Variants in ZNF184 observed in about 807,000 individuals in gnomAD.
ZNF184 encodes zinc finger protein 184.
In ZNF184, 16 loss-of-function variants were observed where a neutral mutation model predicts 54.4. The observed-to-expected ratio is 0.29, with a 90% CI of 0.20 to 0.45. The LOEUF is 0.45. ZNF184 is among the 20% of genes least tolerant of loss of function. ZNF184 has a pLI of 1.00. For synonymous variants in ZNF184, 254 were observed against 295.3 expected, an observed-to-expected ratio of 0.86 and a Z score of 1.43; for missense variants, 681 against 888.2, an observed-to-expected ratio of 0.77 and a Z score of 2.97.
chr6:27,436,355 G>A, the ZNF184 span, among the ~76,000 whole-genome samples: 1 of 152,122 alleles, frequency 6.6e-6, no homozygotes, highest in Non-Finnish European at 1.5e-5. Context: ...GTAGAGAAGG[G>A]GTTTCATCAT....
the ZNF184 span, among the ~76,000 whole-genome samples, chr6:27,441,896 C>G: frequency 0.067 from 10,129 of 152,206 alleles, 567 homozygotes; most frequent in East Asian, 0.28. Flanking sequence ...ATTGCATTCT[C>G]TTTTCGTAGT....
Position 27,463,722 on chromosome 6 carries a change from T to C in ZNF184, c.75+4131A>G, listed in dbSNP as rs117606502. Among the ~76,000 whole-genome samples the C allele has an allele frequency of 4.6e-5, 7 of 151,888 alleles. No individual in the cohort carries two copies. The East Asian group carries it at 5.8e-4, about 13-fold the overall frequency. ...ACACACAAATATAAAAAAACAAAGA[T>C]AAAAACAACAGTAACTTTTTTGTTA... On this transcript the variant is annotated intron_variant, in intron 3 of 5. Coordinates refer to ENST00000683788, the MANE Select transcript of ZNF184 (RefSeq NM_001318891.2).
chr6:27,409,521 A>C, the ZNF184 span, among the ~76,000 whole-genome samples: 28 of 148,956 alleles, frequency 1.9e-4, no homozygotes, highest in East Asian at 4.9e-3. Context: ...AAAAAAAAAA[A>C]CACAAAACAA....
At chr6:27,465,963 T>A (rs147219896) in intron 3 of ZNF184, among the ~76,000 whole-genome samples, 1 of 152,312 alleles carries the variant, frequency 6.6e-6, no homozygotes, top group East Asian at 1.9e-4. Flanking sequence ...AACCTGTGAA[T>A]TTGTTACCTA....
At chr6:27,435,548 T>C in the ZNF184 span, among the ~76,000 whole-genome samples, 1 of 152,226 alleles carries the variant, frequency 6.6e-6, no homozygotes, top group Non-Finnish European at 1.5e-5. Context: ...GTGGAATCTT[T>C]AGAGTTTTCT....
At chr6:27,427,982 A>C in the ZNF184 span, among the ~76,000 whole-genome samples, 3 of 152,306 alleles carry the variant, frequency 2.0e-5, no homozygotes, top group East Asian at 5.8e-4. Context: ...TCTTACCCAC[A>C]TATTTAGTTG....
At chr6:27,416,035 C>T in the ZNF184 span, among the ~76,000 whole-genome samples, 8 of 152,140 alleles carry the variant, frequency 5.3e-5, no homozygotes, top group African/African-American at 1.7e-4. Context: ...GCATTCTCCC[C>T]GTATCTTCAC....
chr6:27,453,230 G>A lies in ZNF184; in HGVS notation c.329C>T (p.Ser110Leu), dbSNP rs1762779010. 6.2e-7 allele frequency: 1 copy of A among 1,605,594 alleles called. No homozygotes were observed. Among genetic ancestry groups the A allele is most frequent in the Non-Finnish European group, 8.5e-7 (1 of 1,177,152 alleles). Residue 110 changes from serine (S) to leucine (L), a missense_variant, in exon 6 of 6, where the codon TCA becomes TTA. Physicochemically the swap from Ser to Leu is moderately radical, Grantham distance 145. Coordinates refer to ENST00000683788, the MANE Select transcript of ZNF184 (RefSeq NM_001318891.2). This position sits in a 1 kb window ranked among gnomAD's most constrained non-coding sequence, Gnocchi z 4.7. The part of the protein sequence containing the change: ...DWETRLENSV[S>L]APEPDISEEE... ...TTCAGAAATGTCAGGCTCTGGGGCT[G>A]ACACACTATTTTCAAGTCTTGTCTC...
At chr6:27,454,565 GAGACCATGGAGTC>G (rs1456350180) in intron 5 of ZNF184, among the ~76,000 whole-genome samples, 10 of 152,214 alleles carry the variant, frequency 6.6e-5, no homozygotes, top group Non-Finnish European at 1.5e-5. Flanking sequence ...GAAAGATATG[GAGACCATGGAGTC>G]TGATGCTGTT....
At chr6:27,422,159 A>G in the ZNF184 span, among the ~76,000 whole-genome samples, 2 of 43,914 alleles carry the variant, frequency 4.6e-5, no homozygotes, top group South Asian at 1.3e-3. Flanking sequence ...AAAGAAAGAA[A>G]GAAAGAAAGA....
the ZNF184 span, among the ~76,000 whole-genome samples, chr6:27,425,568 A>T: frequency 6.6e-6 from 1 of 152,236 alleles, no homozygotes; most frequent in Non-Finnish European, 1.5e-5. Context: ...GATGTTAGTG[A>T]AGGATACACA....
At chr6:27,461,471 C>T (rs1420785944) in intron 3 of ZNF184, among the ~76,000 whole-genome samples, 1 of 152,124 alleles carries the variant, frequency 6.6e-6, no homozygotes, top group Non-Finnish European at 1.5e-5. Context: ...TAAGGCTACA[C>T]TAGATCAGCC....
At chr6:27,442,878 G>GAAAGAA in the ZNF184 span, among the ~76,000 whole-genome samples, 1 of 25,304 alleles carries the variant, frequency 4.0e-5, no homozygotes, top group Non-Finnish European at 1.1e-4. Flanking sequence ...AAGAAAGAAA[G>GAAAGAA]AAAAAGAAAA....
chr6:27,411,663 G>A, the ZNF184 span, among the ~76,000 whole-genome samples: 1 of 152,388 alleles, frequency 6.6e-6, no homozygotes, highest in East Asian at 1.9e-4. Context: ...GTGATCCAGA[G>A]AAGTCAGACC....
At chr6:27,455,921 A>C (rs544745683) in intron 5 of ZNF184, among the ~76,000 whole-genome samples, 1 of 152,312 alleles carries the variant, frequency 6.6e-6, no homozygotes, top group South Asian at 2.1e-4. Flanking sequence ...ATGATTTAGA[A>C]GAAAGTTATT....
At chr6:27,411,287 A>T in the ZNF184 span, among the ~76,000 whole-genome samples, 1 of 152,104 alleles carries the variant, frequency 6.6e-6, no homozygotes, top group Non-Finnish European at 1.5e-5. Context: ...CTCATGATTT[A>T]ATCACTTCCC....
At chr6:27,439,853 G>GC in the ZNF184 span, among the ~76,000 whole-genome samples, 1 of 152,286 alleles carries the variant, frequency 6.6e-6, no homozygotes, top group African/African-American at 2.4e-5. Flanking sequence ...GTCTTGGAAT[G>GC]TATCCTCTGT....
chr6:27,472,421 G>C lies in ZNF184; in HGVS notation c.-127C>G. On this transcript the variant is annotated 5_prime_UTR_variant, in exon 2 of 6. Coordinates refer to ENST00000683788, the MANE Select transcript of ZNF184 (RefSeq NM_001318891.2). This position sits in a 1 kb window ranked among gnomAD's most constrained non-coding sequence, Gnocchi z 4.8. The stretch of plus-strand genomic sequence containing the variant: ...CCTTGCAGGGAATCTGCAACACGCT[G>C]AGGTTGTCTACCCTAAAAGACACAG... 2.5e-6 allele frequency: 3 copies of C among 1,211,006 alleles called. No individual in the cohort carries two copies. Among genetic ancestry groups the C allele is most frequent in the Middle Eastern group, 3.8e-4 (2 of 5,238 alleles). 75.0% of individuals were successfully genotyped at this position (1,211,006 alleles called of 1,614,324 possible).
chr6:27,418,378 G>T, the ZNF184 span, among the ~76,000 whole-genome samples: 897 of 152,278 alleles, frequency 5.9e-3, 9 homozygotes, highest in African/African-American at 0.021. Flanking sequence ...AGGGTTTTTG[G>T]CTCCATGATG....
Sources: allele counts gnomAD v4.1 joint callset (sites outside exome capture counted in the v4.1 genomes callset), GRCh38; gene constraint gnomAD v4.1.1; non-coding constraint Gnocchi (gnomAD v3.1); transcripts MANE v1.5; gene names NCBI Gene and HGNC (gene_info 2026-07-23, HGNC 2026-07-21).